Variants in KLHL3 observed in about 807,000 individuals in gnomAD.
KLHL3 encodes the protein kelch like family member 3.
KLHL3 carries 19 observed loss-of-function variants against 70.5 expected under a neutral mutation model. The ratio of observed to expected loss-of-function variants is 0.27; its 90% CI spans 0.19 to 0.40. The LOEUF (loss-of-function observed/expected upper bound fraction) is 0.40, where lower values mean the gene tolerates loss of function less well. Ranked by LOEUF, KLHL3 falls within the 10% of genes least tolerant of loss-of-function variation. The pLI, the probability that KLHL3 is intolerant of heterozygous loss-of-function variation, is 1.00. For missense variants in KLHL3, 512 were observed against 771.1 expected (o/e 0.66, Z 3.98); for synonymous variants, 258 against 290.3 (o/e 0.89, Z 1.13).
intron 8 of KLHL3, among the ~76,000 whole-genome samples, chr5:137,644,593 C>A (rs1750996674): frequency 6.6e-6 from 1 of 152,118 alleles, no homozygotes; most frequent in Non-Finnish European, 1.5e-5. Flanking sequence ...TGGACACATA[C>A]AACCAACCAA....
At chr5:137,628,671 A>C in intron 12 of KLHL3, 1 of 388,308 alleles carries the variant, frequency 2.6e-6, no homozygotes, top group Non-Finnish European at 4.5e-6. Flanking sequence ...TGTGACCCAA[A>C]TTCTGTTTTT....
chr5:137,715,845 T>G (rs1752882252), intron 2 of KLHL3, among the ~76,000 whole-genome samples: 1 of 152,232 alleles, frequency 6.6e-6, no homozygotes, highest in Admixed American at 6.5e-5. Flanking sequence ...TGTCACTGTT[T>G]TAAGCACTTC....
At chr5:137,688,903 C>T (rs1049397035) in intron 5 of KLHL3, among the ~76,000 whole-genome samples, 2 of 152,190 alleles carry the variant, frequency 1.3e-5, no homozygotes, top group Admixed American at 6.5e-5. Context: ...GCAGACAGAA[C>T]TCAATCACTA....
chr5:137,691,379 C>T (rs1054541939), intron 5 of KLHL3, among the ~76,000 whole-genome samples: 1 of 152,206 alleles, frequency 6.6e-6, no homozygotes, highest in African/African-American at 2.4e-5. Flanking sequence ...AAAGCTCAAT[C>T]TTATTCTTCT....
chr5:137,653,088 A>C (rs920545476), intron 8 of KLHL3: 1 of 146,548 alleles, frequency 6.8e-6, no homozygotes, highest in African/African-American at 2.5e-5. Flanking sequence ...TAAAAATACA[A>C]AAAAAAAAAA....
chr5:137,730,286 A>G (rs1458337161), intron 1 of KLHL3, among the ~76,000 whole-genome samples: 2 of 152,224 alleles, frequency 1.3e-5, no homozygotes, highest in African/African-American at 4.8e-5. Context: ...CAAGTGAGGC[A>G]CAACCCTTCA....
intron 2 of KLHL3, among the ~76,000 whole-genome samples, chr5:137,714,976 A>C (rs1174469105): frequency 6.6e-6 from 1 of 152,226 alleles, no homozygotes; most frequent in Non-Finnish European, 1.5e-5. Flanking sequence ...TGTGGATTCT[A>C]CTCATTGGTT....
intron 1 of KLHL3, among the ~76,000 whole-genome samples, chr5:137,731,795 G>A (rs185362713): frequency 3.9e-5 from 6 of 152,192 alleles, no homozygotes; most frequent in Non-Finnish European, 7.4e-5. Flanking sequence ...CCAAAGTTGT[G>A]GTGCTCTGTA....
rs1446874872 is a variant in KLHL3, at chr5:137,640,450, C to T, written c.904-473G>A. Among the ~76,000 whole-genome samples, 3 of 152,176 alleles carry T rather than the reference C, an allele frequency of 2.0e-5. No individual in the cohort carries two copies. The East Asian group carries it at 5.8e-4, about 29-fold the overall frequency. On this transcript the variant is annotated intron_variant, in intron 8 of 14. Transcript: ENST00000309755. ...AGTATAGAAAAAAATTGAAAAACTC[C>T]TGTGAGATGTTTATTACAAAAGTTA...
At chr5:137,675,163 C>T (rs1228607053) in intron 6 of KLHL3, among the ~76,000 whole-genome samples, 1 of 152,130 alleles carries the variant, frequency 6.6e-6, no homozygotes, top group Non-Finnish European at 1.5e-5. Flanking sequence ...TGAAATAGAA[C>T]TTCGTTAATG....
chr5:137,636,714 G>GT (rs971267434), intron 11 of KLHL3, among the ~76,000 whole-genome samples: 126 of 152,118 alleles, frequency 8.3e-4, no homozygotes, highest in African/African-American at 2.9e-3. Flanking sequence ...GAAATGAGAG[G>GT]TTTTTTTACA....
chr5:137,678,551 G>A (rs1366266537), intron 5 of KLHL3, among the ~76,000 whole-genome samples: 1 of 152,126 alleles, frequency 6.6e-6, no homozygotes, highest in African/African-American at 2.4e-5. Flanking sequence ...GATCTCCTAG[G>A]CTCAAGTGAT....
intron 12 of KLHL3, chr5:137,628,772 T>C (rs1750556822): frequency 5.9e-6 from 1 of 170,582 alleles, no homozygotes; most frequent in African/African-American, 2.4e-5. Flanking sequence ...CATACATACA[T>C]ACGGGAGAGG....
intron 14 of KLHL3, among the ~76,000 whole-genome samples, chr5:137,624,693 T>C (rs886198394): frequency 1.3e-5 from 2 of 152,230 alleles, no homozygotes; most frequent in Non-Finnish European, 2.9e-5. Flanking sequence ...AGATAATGAC[T>C]ATAAAATACT....
intron 11 of KLHL3, among the ~76,000 whole-genome samples, chr5:137,635,412 G>A (rs11242393): frequency 0.35 from 53,714 of 152,010 alleles, 10,200 homozygotes; most frequent in East Asian, 0.54. Flanking sequence ...GTTCAGATGC[G>A]AAATATCCAT....
intron 3 of KLHL3, among the ~76,000 whole-genome samples, chr5:137,705,041 C>T (rs985664015): frequency 6.6e-6 from 1 of 152,228 alleles, no homozygotes; most frequent in African/African-American, 2.4e-5. Context: ...TAATCCCTGA[C>T]TCCTCAGGGG....
intron 8 of KLHL3, among the ~76,000 whole-genome samples, chr5:137,641,296 A>G (rs1008316873): frequency 2.6e-5 from 4 of 152,154 alleles, no homozygotes; most frequent in Non-Finnish European, 5.9e-5. Context: ...CTCAAACTTG[A>G]GCATACATCA....
chr5:137,709,760 C>T lies in KLHL3; in HGVS notation c.231G>A (p.Ala77=), dbSNP rs926657279. The change falls in exon 3 of 15, where the codon GCG becomes GCA. Residue 77 remains alanine (A), a synonymous_variant. Transcript: ENST00000309755. The part of the protein sequence containing the change: ...VLAACSPYFC[A]MFTGDMSESK... Reference sequence around the variant, plus strand: ...GGCCACTCACCATACCTGTGAACATCGCACAGAAGTAGGGGCTGCAGGCTG... The same window carrying T: ...GGCCACTCACCATACCTGTGAACATTGCACAGAAGTAGGGGCTGCAGGCTG... 1.4e-5 allele frequency: 23 copies of T among 1,613,470 alleles called. No homozygotes were observed. Among genetic ancestry groups the T allele is most frequent in the East Asian group, 2.2e-5 (1 of 44,870 alleles).
intron 3 of KLHL3, among the ~76,000 whole-genome samples, chr5:137,699,692 A>G (rs1006436411): frequency 2.6e-5 from 4 of 152,232 alleles, no homozygotes; most frequent in Non-Finnish European, 4.4e-5. Flanking sequence ...AGGGCTGCTG[A>G]TTTCAGGAAA....
Sources: allele counts gnomAD v4.1 joint callset (sites outside exome capture counted in the v4.1 genomes callset), GRCh38; gene constraint gnomAD v4.1.1; transcripts MANE v1.5; gene names NCBI Gene and HGNC (gene_info 2026-07-23, HGNC 2026-07-21).